The following PBX1 variants were observed in gnomAD, a reference collection of about 807,000 sequenced individuals.
PBX1 encodes PBX homeobox 1.
A neutral mutation model predicts 53.4 loss-of-function variants in PBX1; 6 were observed. The ratio of observed to expected loss-of-function variants is 0.11; its 90% CI spans 0.06 to 0.22. The LOEUF (loss-of-function observed/expected upper bound fraction) is 0.22, where lower values mean the gene tolerates loss of function less well. Among genes scored for constraint, PBX1 ranks in the 10% least tolerant of loss-of-function variants. PBX1 has a pLI of 1.00. For missense variants in PBX1, 251 were observed against 551.4 expected, an observed-to-expected ratio of 0.46 and a Z score of 5.46; for synonymous variants, 204 against 212.3, an observed-to-expected ratio of 0.96 and a Z score of 0.34.
At chr1:164,584,325 G>T (rs768318274) in intron 2 of PBX1, among the ~76,000 whole-genome samples, 2 of 151,658 alleles carry the variant, frequency 1.3e-5, no homozygotes, top group Non-Finnish European at 2.9e-5. Context: ...AGCATAGTCA[G>T]ACTCAGTCTC....
At chr1:164,772,782 C>G (rs1461760724) in intron 2 of PBX1, 1 of 152,286 alleles carries the variant, frequency 6.6e-6, no homozygotes, top group Non-Finnish European at 1.5e-5. Context: ...GGCTAAGAGT[C>G]TGAGCATTGC....
At chr1:164,622,424 C>T (rs1202756965) in intron 2 of PBX1, among the ~76,000 whole-genome samples, 1 of 152,156 alleles carries the variant, frequency 6.6e-6, no homozygotes, top group Admixed American at 6.5e-5. Flanking sequence ...CTTTTTCTAT[C>T]GTAATGACTA....
At chr1:164,637,842 C>G (rs1658875687) in intron 2 of PBX1, among the ~76,000 whole-genome samples, 1 of 152,192 alleles carries the variant, frequency 6.6e-6, no homozygotes, top group Admixed American at 6.5e-5. Flanking sequence ...ACAGAACAGG[C>G]TTTCTTCTCC....
Position 164,645,699 on chromosome 1 carries a change from T to TA in PBX1, c.265+82389dup, listed in dbSNP as rs1429937545. Among the ~76,000 whole-genome samples the TA allele has an allele frequency of 5.9e-5, 9 of 152,190 alleles. No individual in the cohort carries two copies. The East Asian group carries it at 1.7e-3, about 29-fold the overall frequency. ...ATTCTTGCCAACACGTACACACAGA[T>TA]ATATACCTCACTCCCGATTAATGTG... On this transcript the variant is annotated intron_variant, in intron 2 of 8. Transcript: ENST00000420696.
intron 2 of PBX1, among the ~76,000 whole-genome samples, chr1:164,587,728 T>G (rs954638229): frequency 2.0e-5 from 3 of 152,198 alleles, no homozygotes; most frequent in African/African-American, 7.2e-5. Context: ...CATCGTTTTG[T>G]GCGGATGAGG....
At chr1:164,755,508 A>G (rs1433553635) in intron 2 of PBX1, among the ~76,000 whole-genome samples, 1 of 152,162 alleles carries the variant, frequency 6.6e-6, no homozygotes, top group Non-Finnish European at 1.5e-5. Context: ...TTGTTGTTTT[A>G]AAAGAAGATA....
chr1:164,826,585 A>G (rs1670476297), intron 8 of PBX1, among the ~76,000 whole-genome samples: 1 of 151,988 alleles, frequency 6.6e-6, no homozygotes, highest in Admixed American at 6.6e-5. Context: ...TTGTGTTTTC[A>G]GTAGAGATGG....
chr1:164,591,175 C>G (rs1197177167), intron 2 of PBX1, among the ~76,000 whole-genome samples: 1 of 152,026 alleles, frequency 6.6e-6, no homozygotes, highest in Non-Finnish European at 1.5e-5. Context: ...CCATGCCCAG[C>G]TAATTTTTGT....
intron 2 of PBX1, among the ~76,000 whole-genome samples, chr1:164,761,306 A>G (rs1472343713): frequency 6.6e-6 from 1 of 152,232 alleles, no homozygotes; most frequent in Non-Finnish European, 1.5e-5. Flanking sequence ...ACATGCACAT[A>G]TTTATTAGAC....
At chr1:164,733,172 C>T (rs571602923) in intron 2 of PBX1, among the ~76,000 whole-genome samples, 1 of 152,312 alleles carries the variant, frequency 6.6e-6, no homozygotes, top group African/African-American at 2.4e-5. Context: ...GTTCTGACTT[C>T]AGACTGGCTC....
chr1:164,602,883 G>C (rs1311850094), intron 2 of PBX1, among the ~76,000 whole-genome samples: 3 of 152,288 alleles, frequency 2.0e-5, no homozygotes, highest in Non-Finnish European at 4.4e-5. Flanking sequence ...AGTGTATGAA[G>C]CGTTAATGAA....
chr1:164,879,001 G>A (rs1400449550), intron 2 of PBX1, among the ~76,000 whole-genome samples: 1 of 152,170 alleles, frequency 6.6e-6, no homozygotes, highest in Non-Finnish European at 1.5e-5. Context: ...GACCCAAAAG[G>A]TAAGCCCACC....
chr1:164,853,273 G>A (rs933225548), downstream of PBX1, among the ~76,000 whole-genome samples: 1 of 152,204 alleles, frequency 6.6e-6, no homozygotes, highest in Non-Finnish European at 1.5e-5. Context: ...AGGGGTAGGC[G>A]TGGGGATTAG....
At chr1:164,766,424 C>T (rs1163968737) in intron 2 of PBX1, among the ~76,000 whole-genome samples, 1 of 152,144 alleles carries the variant, frequency 6.6e-6, no homozygotes, top group Non-Finnish European at 1.5e-5. Flanking sequence ...ATCATCATCA[C>T]CCCTGCTTTA....
chr1:164,765,386 T>A (rs189611997), intron 2 of PBX1, among the ~76,000 whole-genome samples: 1 of 152,348 alleles, frequency 6.6e-6, no homozygotes, highest in East Asian at 1.9e-4. Context: ...TCTATTCTCA[T>A]TTGTTTTGGA....
chr1:164,834,799 T>C (rs972530633), intron 8 of PBX1, among the ~76,000 whole-genome samples: 4 of 152,246 alleles, frequency 2.6e-5, no homozygotes, highest in African/African-American at 9.6e-5. Context: ...AGACCTGTGG[T>C]TGGCTATAAA....
At chr1:164,700,146 G>A (rs1663034425) in intron 2 of PBX1, among the ~76,000 whole-genome samples, 2 of 152,194 alleles carry the variant, frequency 1.3e-5, no homozygotes, top group Admixed American at 1.3e-4. Context: ...TTCCCTTTGT[G>A]GGTTCCAGGG....
intron 4 of PBX1, among the ~76,000 whole-genome samples, chr1:164,803,677 G>T (rs1232039025): frequency 6.6e-6 from 1 of 152,154 alleles, no homozygotes; most frequent in Middle Eastern, 3.2e-3. Flanking sequence ...GGATTGAGGG[G>T]AAATGAGGCA....
chr1:164,701,286 A>G (rs1686180), intron 2 of PBX1, among the ~76,000 whole-genome samples: 34,752 of 152,116 alleles, frequency 0.23, 4,216 homozygotes, highest in East Asian at 0.44. Flanking sequence ...CTGTGTTGAA[A>G]CACAATGCCA....
Sources: gnomAD v4.1 joint callset for allele counts (sites outside exome capture counted in the v4.1 genomes callset) on GRCh38, gnomAD v4.1.1 for gene constraint, MANE v1.5 for transcripts, NCBI Gene and HGNC (gene_info 2026-07-23, HGNC 2026-07-21) for gene names.